Variants in UBE3A observed in about 807,000 individuals in gnomAD.
The protein encoded by UBE3A is ubiquitin-protein ligase E3A.
In UBE3A, 6 loss-of-function variants were observed where a neutral mutation model predicts 83.4. The ratio of observed to expected loss-of-function variants is 0.07; its 90% confidence interval spans 0.04 to 0.14. UBE3A has a LOEUF of 0.14. Ranked by LOEUF, UBE3A falls within the 10% of genes least tolerant of loss-of-function variation. The probability of loss-of-function intolerance (pLI) is 1.00; values close to 1 mark genes in which losing one functional copy is unlikely to be tolerated. For missense variants in UBE3A, 456 were observed against 1,036.1 expected (o/e 0.44, Z 7.69); for synonymous variants, 337 against 355.4 (o/e 0.95, Z 0.58).
chr15:25,396,946 T>C (rs73366262), intron 4 of UBE3A, among the ~76,000 whole-genome samples: 7,801 of 152,228 alleles, frequency 0.051, 691 homozygotes, highest in African/African-American at 0.18. Context: ...AACAACAAAA[T>C]CATGCTTCAA....
chr15:25,401,549 C>T (rs1381004772), intron 4 of UBE3A, among the ~76,000 whole-genome samples: 1 of 152,104 alleles, frequency 6.6e-6, no homozygotes, highest in Non-Finnish European at 1.5e-5. Flanking sequence ...AGGAATTTAT[C>T]CATTTCTTCT....
chr15:25,432,807 T>A (rs989838233), intron 1 of UBE3A, among the ~76,000 whole-genome samples: 1 of 152,190 alleles, frequency 6.6e-6, no homozygotes, highest in Admixed American at 6.5e-5. Flanking sequence ...ATATACTACC[T>A]CTATGCTCTT....
In UBE3A at chr15:25,409,214, A is replaced by G; in HGVS notation, c.-100-7T>C. ...GAGCGTAGGCTTAATAACTCTAATAAATTAAACAAACCTTTGGTTAGAACA... is the reference window on the plus strand; with the variant it reads ...GAGCGTAGGCTTAATAACTCTAATAGATTAAACAAACCTTTGGTTAGAACA... On this transcript the variant is annotated splice_region_variant and splice_polypyrimidine_tract_variant and intron_variant, in intron 2 of 12. Coordinates refer to ENST00000648336, the MANE Select transcript of UBE3A (RefSeq NM_130839.5). 1 of 1,048,118 alleles carries G rather than the reference A, an allele frequency of 9.5e-7. No homozygotes were observed. Among genetic ancestry groups the G allele is most frequent in the Non-Finnish European group, 1.4e-6 (1 of 702,764 alleles). The allele number at this position is 1,048,118 out of a possible 1,614,324, so 64.9% of individuals were successfully genotyped here.
At chr15:25,339,454 C>G in intron 12 of UBE3A, 197 bp from the exon 13 acceptor site, 1 of 557,468 alleles carries the variant, frequency 1.8e-6, no homozygotes, top group Non-Finnish European at 3.0e-6. Flanking sequence ...AAGCTAGTGA[C>G]GATGATAAGA....
At chr15:25,420,999 G>A (rs1251787585) in intron 1 of UBE3A, among the ~76,000 whole-genome samples, 1 of 152,190 alleles carries the variant, frequency 6.6e-6, no homozygotes, top group Non-Finnish European at 1.5e-5. Context: ...TTGGATACAT[G>A]CTACAACATG....
At chr15:25,391,138 T>C (rs2084268708) in intron 4 of UBE3A, among the ~76,000 whole-genome samples, 1 of 152,200 alleles carries the variant, frequency 6.6e-6, no homozygotes, top group African/African-American at 2.4e-5. Context: ...GTGGTATACA[T>C]ATATAACAAA....
chr15:25,367,293 A>G (rs1250306153), intron 6 of UBE3A, among the ~76,000 whole-genome samples: 2 of 147,540 alleles, frequency 1.4e-5, no homozygotes, highest in Non-Finnish European at 1.5e-5. Flanking sequence ...AAATTAAATT[A>G]ATTTACATAT....
chr15:25,349,473 C>CAT lies in UBE3A; in HGVS notation c.2354+4878_2354+4879dup, dbSNP rs776771601. On this transcript the variant is annotated intron_variant, in intron 11 of 12. Transcript: ENST00000648336. ...AAAATGAAAACTTGGAGAAAATAAT[C>CAT]ATAAACTACTTATCAGAAATGGGCC... 1.5e-4 allele frequency among the ~76,000 whole-genome samples: 22 copies of CAT among 150,472 alleles called. No homozygotes were observed. In the South Asian group the frequency reaches 4.3e-3, roughly 30 times the overall value.
At chr15:25,355,415 CTTG>C (rs2077085007) in intron 9 of UBE3A, among the ~76,000 whole-genome samples, 1 of 152,050 alleles carries the variant, frequency 6.6e-6, no homozygotes. Context: ...TAATTTTTTG[CTTG>C]TTATGTTCTG....
chr15:25,398,190 A>AAAC (rs2086040175), intron 4 of UBE3A, among the ~76,000 whole-genome samples: 18 of 98,326 alleles, frequency 1.8e-4, no homozygotes, highest in Non-Finnish European at 3.1e-4. Flanking sequence ...AAAAAAAAAA[A>AAAC]ACACAAAAAA....
At chr15:25,383,503 G>C (rs1004046499) in intron 4 of UBE3A, among the ~76,000 whole-genome samples, 1 of 152,076 alleles carries the variant, frequency 6.6e-6, no homozygotes, top group Non-Finnish European at 1.5e-5. Flanking sequence ...CGGGCATGGT[G>C]GTGGGCGCCT....
At chr15:25,416,361 A>G (rs767445653) in intron 1 of UBE3A, among the ~76,000 whole-genome samples, 1 of 152,198 alleles carries the variant, frequency 6.6e-6, no homozygotes, top group Non-Finnish European at 1.5e-5. Flanking sequence ...AACAATTACT[A>G]CAACCAACAA....
intron 4 of UBE3A, chr15:25,391,662 A>G (rs974626280): frequency 6.6e-6 from 1 of 152,190 alleles, no homozygotes; most frequent in African/African-American, 2.4e-5. Flanking sequence ...CATGTCAGGA[A>G]CAAGAGGGAA....
intron 2 of UBE3A, among the ~76,000 whole-genome samples, chr15:25,411,299 C>T (rs2089944597): frequency 2.0e-5 from 3 of 152,198 alleles, no homozygotes; most frequent in Admixed American, 2.0e-4. Context: ...ACATAATGTG[C>T]TCACAAATGG....
At chr15:25,408,839 C>T in intron 3 of UBE3A, 2 of 802,296 alleles carry the variant, frequency 2.5e-6, no homozygotes, top group Non-Finnish European at 3.7e-6. Context: ...TGTTTAAAAC[C>T]TTGAAGTTTT....
chr15:25,437,186 G>A (rs1895349111), intron 1 of UBE3A, among the ~76,000 whole-genome samples: 1 of 152,146 alleles, frequency 6.6e-6, no homozygotes, highest in South Asian at 2.1e-4. Context: ...TAAAAATGTG[G>A]TAAGTAGCTT....
intron 1 of UBE3A, among the ~76,000 whole-genome samples, chr15:25,420,970 C>G (rs1284881177): frequency 6.6e-6 from 1 of 152,192 alleles, no homozygotes; most frequent in Non-Finnish European, 1.5e-5. Context: ...AAATATTACT[C>G]AACCTTAAAG....
intron 1 of UBE3A, among the ~76,000 whole-genome samples, chr15:25,425,378 T>C (rs1891036322): frequency 1.3e-5 from 2 of 152,108 alleles, no homozygotes; most frequent in Admixed American, 1.3e-4. Flanking sequence ...AATTCAATAG[T>C]GGTGATGGCT....
chr15:25,430,126 AT>A (rs1401953521), intron 1 of UBE3A, among the ~76,000 whole-genome samples: 33 of 68,248 alleles, frequency 4.8e-4, no homozygotes, highest in African/African-American at 2.4e-3. Flanking sequence ...TATATATAAG[AT>A]TATATATATA....
Sources: allele counts gnomAD v4.1 joint callset (sites outside exome capture counted in the v4.1 genomes callset), GRCh38; gene constraint gnomAD v4.1.1; transcripts MANE v1.5; gene names NCBI Gene and HGNC (gene_info 2026-07-23, HGNC 2026-07-21).